MAGED1: variants seen among roughly 807,000 people sequenced by gnomAD.
MAGED1 encodes MAGE family member D1.
Under a neutral mutation model 54.1 loss-of-function variants are expected in MAGED1, and 3 were observed. The ratio of observed to expected loss-of-function variants is 0.06; its 90% confidence interval spans 0.03 to 0.14. MAGED1 has a LOEUF of 0.14. MAGED1 is among the 10% of genes least tolerant of loss of function. MAGED1 has a pLI of 1.00. For synonymous variants in MAGED1, 217 were observed against 227.3 expected, an observed-to-expected ratio of 0.95 and a Z score of 0.41; for missense variants, 485 against 623.4, an observed-to-expected ratio of 0.78 and a Z score of 2.36.
intron 1 of MAGED1, among the ~76,000 whole-genome samples, chrX:51,851,367 C>T (rs1269757454): frequency 1.8e-5 from 2 of 111,315 alleles, no homozygotes; most frequent in Non-Finnish European, 3.8e-5. Context: ...ATCCTAGTAC[C>T]AGTCTGTTTC....
At chrX:51,882,609 C>CA (rs35286327) in intron 1 of MAGED1, among the ~76,000 whole-genome samples, 12,534 of 44,127 alleles carry the variant, frequency 0.28, 931 homozygotes, top group African/African-American at 0.35. Context: ...AGGGCACAGA[C>CA]AAAAAAAAAA....
chrX:51,815,905 T>C (rs1196734267), intron 1 of MAGED1, among the ~76,000 whole-genome samples: 7 of 111,738 alleles, frequency 6.3e-5, no homozygotes, highest in Non-Finnish European at 1.3e-4. Context: ...AAGTAAAAAG[T>C]TATAGAAAGC....
chrX:51,805,387 G>C (rs1219533009), intron 1 of MAGED1, among the ~76,000 whole-genome samples: 7 of 111,035 alleles, frequency 6.3e-5, no homozygotes, highest in Non-Finnish European at 1.3e-4. Context: ...GTAGTAACTT[G>C]CTAAACTGTG....
chrX:51,837,998 G>C (rs1039215690), intron 1 of MAGED1, among the ~76,000 whole-genome samples: 2 of 112,577 alleles, frequency 1.8e-5, no homozygotes, highest in Non-Finnish European at 3.7e-5. Flanking sequence ...ACAAACAGTA[G>C]ATATTTCACT....
At chrX:51,825,209 A>ACTC (rs1417811041) in intron 1 of MAGED1, among the ~76,000 whole-genome samples, 2 of 110,455 alleles carry the variant, frequency 1.8e-5, no homozygotes, top group Non-Finnish European at 3.8e-5. Flanking sequence ...GGAAGAGGCC[A>ACTC]TGGAATTTCC....
intron 1 of MAGED1, among the ~76,000 whole-genome samples, chrX:51,829,269 C>G (rs1342880307): frequency 9.1e-6 from 1 of 110,371 alleles, no homozygotes; most frequent in African/African-American, 3.3e-5. Context: ...TGGGAATTGA[C>G]AAATGGAAAA....
At chrX:51,874,921 C>T (rs1485091801) in intron 1 of MAGED1, among the ~76,000 whole-genome samples, 1 of 109,751 alleles carries the variant, frequency 9.1e-6, no homozygotes, top group Non-Finnish European at 1.9e-5. Context: ...TTTTTATATT[C>T]CTACAAAGCT....
rs957481877 is a variant in MAGED1, at chrX:51,896,005, T to C, written c.753+245T>C. On this transcript the variant is annotated intron_variant, in intron 3 of 12. Coordinates refer to ENST00000326587, the MANE Select transcript of MAGED1 (RefSeq NM_006986.4). ...CATTTTGTTATGTTAGTAACCACCA[T>C]GTGTTAAGCCTTGAGCTAGGCACAT... 14 of 395,320 alleles carry C rather than the reference T, an allele frequency of 3.5e-5. No individual in the cohort carries two copies. In the Admixed American group the frequency reaches 6.6e-4, roughly 19 times the overall value. The allele number at this position is 395,320 out of a possible 1,213,427, so 32.6% of individuals were successfully genotyped here. A position where few individuals can be genotyped will look rare whatever the true frequency, so the allele number is the denominator to read the frequency against.
At chrX:51,808,921 A>G (rs1226788965) in intron 1 of MAGED1, among the ~76,000 whole-genome samples, 1 of 111,669 alleles carries the variant, frequency 9.0e-6, no homozygotes, top group African/African-American at 3.3e-5. Context: ...ATACTTAGTA[A>G]GATAAATAAT....
At chrX:51,901,339 T>C (rs1929013235) in intron 11 of MAGED1, among the ~76,000 whole-genome samples, 1 of 112,053 alleles carries the variant, frequency 8.9e-6, no homozygotes, top group South Asian at 3.7e-4. Flanking sequence ...TCTTTCTGTG[T>C]CTGGCTTATT....
intron 2 of MAGED1, 151 bp downstream of exon 2, chrX:51,894,500 G>A: frequency 1.3e-6 from 1 of 793,580 alleles, no homozygotes; most frequent in Middle Eastern, 3.4e-4. Flanking sequence ...GTTTATCGAA[G>A]GGGGGGAGGG....
intron 1 of MAGED1, among the ~76,000 whole-genome samples, chrX:51,883,534 C>T (rs1181639609): frequency 1.8e-5 from 2 of 112,205 alleles, no homozygotes; most frequent in Non-Finnish European, 3.8e-5. Flanking sequence ...CCCAGATCTT[C>T]ATAACATAAT....
chrX:51,861,835 A>G (rs1927290334), intron 1 of MAGED1, among the ~76,000 whole-genome samples: 2 of 110,684 alleles, frequency 1.8e-5, no homozygotes, highest in Non-Finnish European at 3.8e-5. Context: ...GGCGCCCACC[A>G]TATCTGGCTA....
intron 1 of MAGED1, among the ~76,000 whole-genome samples, chrX:51,820,748 C>T (rs1433228477): frequency 8.9e-6 from 1 of 111,778 alleles, no homozygotes; most frequent in Non-Finnish European, 1.9e-5. Context: ...TTTATCATTT[C>T]CTTGTGGTAA....
chrX:51,894,853 C>T lies in MAGED1; in HGVS notation c.46-200C>T, dbSNP rs948707246. 29 of 1,085,875 alleles carry T rather than the reference C, an allele frequency of 2.7e-5. No homozygotes were observed. The South Asian group carries it at 4.7e-4, about 18-fold the overall frequency. The allele number at this position is 1,085,875 out of a possible 1,213,427, so 89.5% of individuals were successfully genotyped here. ...CTCATTTTGCCCTTGCCCTACTTCACCCCTGCCACATGTTTAGTACCCGCC... is the reference window on the plus strand; with the variant it reads ...CTCATTTTGCCCTTGCCCTACTTCATCCCTGCCACATGTTTAGTACCCGCC... On this transcript the variant is annotated intron_variant, in intron 2 of 12. Coordinates refer to ENST00000326587, the MANE Select transcript of MAGED1 (RefSeq NM_006986.4).
intron 1 of MAGED1, among the ~76,000 whole-genome samples, chrX:51,859,937 AAAAG>A (rs200966292): frequency 1.9e-5 from 2 of 107,557 alleles, no homozygotes; most frequent in Admixed American, 1.0e-4. Context: ...TCTGTCTCAA[AAAAG>A]AAAGAAAGAA....
At chrX:51,830,995 G>A (rs2028329) in intron 1 of MAGED1, among the ~76,000 whole-genome samples, 1 of 111,129 alleles carries the variant, frequency 9.0e-6, no homozygotes, top group Non-Finnish European at 1.9e-5. Flanking sequence ...CCAAGTAGCC[G>A]GGACTACAGG....
At chrX:51,843,238 G>A (rs782685305) in intron 1 of MAGED1, among the ~76,000 whole-genome samples, 1 of 111,477 alleles carries the variant, frequency 9.0e-6, no homozygotes, top group South Asian at 3.8e-4. Context: ...TCCCCTAAAG[G>A]TGTTCACATT....
chrX:51,894,363 T>TCCCCA lies in MAGED1; in HGVS notation c.45+22_45+26dup, dbSNP rs782651497. On this transcript the variant is annotated intron_variant, in intron 2 of 12. Transcript: ENST00000326587. ...CTCGGCTTCCAGGTGAGATCTCCAC[T>TCCCCA]CCCCACCCCACCATTTCCCCAGCCG... The TCCCCA allele has an allele frequency of 2.5e-6, 3 of 1,190,790 alleles. No homozygotes were observed. Among genetic ancestry groups the TCCCCA allele is most frequent in the Non-Finnish European group, 3.4e-6 (3 of 882,876 alleles).
Sources: allele counts gnomAD v4.1 joint callset (sites outside exome capture counted in the v4.1 genomes callset), GRCh38; gene constraint gnomAD v4.1.1; transcripts MANE v1.5; gene names NCBI Gene and HGNC (gene_info 2026-07-23, HGNC 2026-07-21).